FOXJ3: variants seen among roughly 807,000 people sequenced by gnomAD.
FOXJ3 encodes the protein forkhead box J3, also known as forkhead box protein J3.
In FOXJ3, 22 loss-of-function variants were observed where a neutral mutation model predicts 76.1. The observed-to-expected ratio is 0.29, with a 90% CI of 0.21 to 0.41. The LOEUF is 0.41. FOXJ3 is among the 10% of genes least tolerant of loss of function. The pLI is 1.00. For missense variants in FOXJ3, 613 were observed against 762.1 expected (o/e 0.80, Z 2.30); for synonymous variants, 269 against 261.2 (o/e 1.03, Z -0.29).
At chr1:42,216,734 A>C (rs1035854181) in intron 5 of FOXJ3, among the ~76,000 whole-genome samples, 1 of 152,324 alleles carries the variant, frequency 6.6e-6, no homozygotes, top group East Asian at 1.9e-4. Context: ...AGACTGCAAA[A>C]GGTTAAGGAT....
At chr1:42,255,377 C>G (rs1420189879) in intron 4 of FOXJ3, among the ~76,000 whole-genome samples, 1 of 152,048 alleles carries the variant, frequency 6.6e-6, no homozygotes, top group South Asian at 2.1e-4. Context: ...AAAGAGGACA[C>G]TAAGAAGTCA....
chr1:42,323,736 A>C (rs1655567207), intron 1 of FOXJ3: 1 of 958,654 alleles, frequency 1.0e-6, no homozygotes, highest in African/African-American at 1.8e-5. Context: ...CAGGTACTCA[A>C]GAGATATATG....
intron 1 of FOXJ3, among the ~76,000 whole-genome samples, chr1:42,331,441 G>A (rs1460452604): frequency 6.6e-6 from 1 of 152,012 alleles, no homozygotes; most frequent in African/African-American, 2.4e-5. Context: ...CTAAAGCAAT[G>A]GCTATCAACG....
chr1:42,307,058 A>C (rs1279948142), intron 2 of FOXJ3, among the ~76,000 whole-genome samples: 1 of 152,184 alleles, frequency 6.6e-6, no homozygotes, highest in Non-Finnish European at 1.5e-5. Flanking sequence ...AAGAGGCACT[A>C]AAGATGGACT....
At chr1:42,239,691 T>C (rs559642433) in intron 4 of FOXJ3, among the ~76,000 whole-genome samples, 14 of 152,318 alleles carry the variant, frequency 9.2e-5, no homozygotes, top group African/African-American at 2.2e-4. Flanking sequence ...GGCTTTTGTA[T>C]TTACATTTTC....
At chr1:42,334,120 A>T (rs1185236568) in intron 1 of FOXJ3, 1 of 978,272 alleles carries the variant, frequency 1.0e-6, no homozygotes, top group Admixed American at 6.1e-5. Context: ...AAAACAGAGA[A>T]ATGAAAACTA....
chr1:42,194,891 T>G lies in FOXJ3; in HGVS notation c.933A>C (p.Gln311His), dbSNP rs778776339. Residue 311 changes from glutamine to histidine, a missense_variant and splice_region_variant, in exon 8 of 13, where the codon CAA (glutamine) becomes CAC (histidine). Transcript: ENST00000361346. ...AAAAAAGATTTTAAGAAAACTCACCTTGTTGACTAAGTGACTGCTCAAAAA... is the reference window on the plus strand; with the variant it reads ...AAAAAAGATTTTAAGAAAACTCACCGTGTTGACTAAGTGACTGCTCAAAAA... ...KSVFEQSLSQ[Q>H]GLMNIPSESS... The G allele has an allele frequency of 6.4e-7, 1 of 1,569,440 alleles. No individual in the cohort carries two copies. Among genetic ancestry groups the G allele is most frequent in the African/African-American group, 1.4e-5 (1 of 72,406 alleles).
At chr1:42,331,558 C>T (rs1026590327) in intron 1 of FOXJ3, among the ~76,000 whole-genome samples, 2 of 152,072 alleles carry the variant, frequency 1.3e-5, no homozygotes, top group African/African-American at 2.4e-5. Flanking sequence ...AGAAGTCAGA[C>T]ACAAAAGACC....
chr1:42,299,604 T>G (rs1654007314), intron 2 of FOXJ3, among the ~76,000 whole-genome samples: 1 of 151,760 alleles, frequency 6.6e-6, no homozygotes, highest in Non-Finnish European at 1.5e-5. Flanking sequence ...GCCATTTACA[T>G]TCAAGGTTAA....
chr1:42,241,953 G>A (rs1216839899), intron 4 of FOXJ3, among the ~76,000 whole-genome samples: 1 of 152,132 alleles, frequency 6.6e-6, no homozygotes, highest in African/African-American at 2.4e-5. Context: ...CCTCGCCACA[G>A]CCTCCACTAA....
intron 11 of FOXJ3, among the ~76,000 whole-genome samples, chr1:42,184,332 TCTTAC>T (rs1236411262): frequency 6.6e-6 from 1 of 152,148 alleles, no homozygotes; most frequent in Non-Finnish European, 1.5e-5. Flanking sequence ...GCTTCGTAAT[TCTTAC>T]CTTAAAGGCA....
intron 4 of FOXJ3, among the ~76,000 whole-genome samples, chr1:42,232,651 T>C (rs1648252138): frequency 6.6e-6 from 1 of 152,138 alleles, no homozygotes; most frequent in African/African-American, 2.4e-5. Flanking sequence ...GGCTGTTTTT[T>C]TCTTGTAAAT....
chr1:42,308,087 T>C (rs1654575849), intron 2 of FOXJ3, among the ~76,000 whole-genome samples: 1 of 152,190 alleles, frequency 6.6e-6, no homozygotes, highest in South Asian at 2.1e-4. Flanking sequence ...AATTGTCCAC[T>C]CCCACTCATA....
chr1:42,236,488 C>T (rs1046588842), intron 4 of FOXJ3, among the ~76,000 whole-genome samples: 2 of 152,202 alleles, frequency 1.3e-5, no homozygotes, highest in African/African-American at 2.4e-5. Context: ...AGCCATCACA[C>T]TCAATCTAGT....
chr1:42,308,238 A>G (rs758000783), intron 2 of FOXJ3, among the ~76,000 whole-genome samples: 2 of 152,236 alleles, frequency 1.3e-5, no homozygotes, highest in Non-Finnish European at 2.9e-5. Context: ...AAGGTAGTAT[A>G]TACGAGAGAG....
intron 5 of FOXJ3, among the ~76,000 whole-genome samples, chr1:42,214,282 ATTT>A (rs1412882146): frequency 1.3e-5 from 2 of 152,172 alleles, no homozygotes; most frequent in African/African-American, 4.8e-5. Flanking sequence ...CATGGTACAT[ATTT>A]TTATTTATAG....
rs1029249238 is a variant in FOXJ3 at position 42,179,220 on chromosome 1, A to G, written c.*490T>C. On this transcript the variant is annotated 3_prime_UTR_variant, in exon 13 of 13. Coordinates refer to ENST00000361346, the MANE Select transcript of FOXJ3 (RefSeq NM_014947.5). ...TTTTGGAAAAAATCTATTTCCTTTCAGTTTCCTACATCAGTTAAAAGCATC... is the reference window on the plus strand; with the variant it reads ...TTTTGGAAAAAATCTATTTCCTTTCGGTTTCCTACATCAGTTAAAAGCATC... 1.3e-5 allele frequency: 2 copies of G among 152,692 alleles called. No homozygotes were observed. Among genetic ancestry groups the G allele is most frequent in the Admixed American group, 1.3e-4 (2 of 15,292 alleles). 9.5% of individuals were successfully genotyped at this position (152,692 alleles called of 1,614,324 possible). A position where few individuals can be genotyped will look rare whatever the true frequency, so the allele number is the denominator to read the frequency against.
intron 2 of FOXJ3, among the ~76,000 whole-genome samples, chr1:42,280,079 C>T (rs550594408): frequency 8.5e-4 from 130 of 152,144 alleles, no homozygotes; most frequent in Non-Finnish European, 1.7e-3. Flanking sequence ...TCCCAGTTTC[C>T]TCATCTGTAA....
chr1:42,263,585 A>G (rs1234022666), intron 4 of FOXJ3, among the ~76,000 whole-genome samples: 1 of 152,208 alleles, frequency 6.6e-6, no homozygotes, highest in African/African-American at 2.4e-5. Context: ...AATTTCTTAC[A>G]AGACTATTAT....
Sources: gnomAD v4.1 joint callset for allele counts (sites outside exome capture counted in the v4.1 genomes callset) on GRCh38, gnomAD v4.1.1 for gene constraint, MANE v1.5 for transcripts, NCBI Gene and HGNC (gene_info 2026-07-23, HGNC 2026-07-21) for gene names.